PTK2: variants seen among roughly 807,000 people sequenced by gnomAD.
PTK2 encodes protein tyrosine kinase 2, also known as focal adhesion kinase 1.
PTK2 carries 45 observed loss-of-function variants against 150.1 expected under a neutral mutation model. That is an observed-to-expected ratio of 0.30 (90% CI 0.24 to 0.38). The LOEUF is 0.38. Among genes scored for constraint, PTK2 ranks in the 10% least tolerant of loss-of-function variants. PTK2 has a pLI of 1.00. For missense variants in PTK2, 919 were observed against 1,307.3 expected, an observed-to-expected ratio of 0.70 and a Z score of 4.58; for synonymous variants, 432 against 449.2, an observed-to-expected ratio of 0.96 and a Z score of 0.48.
At chr8:140,708,795 G>T (rs566570994) in intron 23 of PTK2, among the ~76,000 whole-genome samples, 2 of 152,218 alleles carry the variant, frequency 1.3e-5, no homozygotes, top group Non-Finnish European at 2.9e-5. Flanking sequence ...GGCTACCTTG[G>T]TACTTGTTTT....
intron 1 of PTK2, among the ~76,000 whole-genome samples, chr8:141,000,262 T>C (rs866951282): frequency 3.3e-5 from 5 of 152,102 alleles, no homozygotes; most frequent in Non-Finnish European, 5.9e-5. Context: ...GGAAGCACAA[T>C]GACTCCAGTG....
exon 32 of PTK2, chr8:140,658,063 A>C (rs944920701): frequency 6.6e-6 from 1 of 152,090 alleles, no homozygotes; most frequent in East Asian, 1.9e-4. Flanking sequence ...AAATGCTAAC[A>C]ATTTCCTTGA....
intron 2 of PTK2, among the ~76,000 whole-genome samples, chr8:140,917,080 G>A (rs1200154360): frequency 6.6e-6 from 1 of 152,126 alleles, no homozygotes; most frequent in Admixed American, 6.5e-5. Flanking sequence ...GCCATGATTT[G>A]AGGTAAAGCA....
chr8:140,742,621 A>T (rs2100056398), intron 20 of PTK2, among the ~76,000 whole-genome samples: 1 of 152,232 alleles, frequency 6.6e-6, no homozygotes, highest in Non-Finnish European at 1.5e-5. Context: ...GAACATCTGC[A>T]TCTTCACATG....
At chr8:140,821,031 G>A (rs2100108255) in intron 8 of PTK2, 1 of 152,230 alleles carries the variant, frequency 6.6e-6, no homozygotes, top group Non-Finnish European at 1.5e-5. Context: ...ACTGGATCTG[G>A]GATACTACAG....
rs141504075 is a variant in PTK2 at position 140,748,805 on chromosome 8, A to T, written c.1418-1945T>A. On this transcript the variant is annotated intron_variant, in intron 17 of 31. Transcript: ENST00000522684. The stretch of plus-strand genomic sequence containing the variant: ...ACTTGTACAGTATACTAGGATTAGT[A>T]AGACACAGGACAGACTTCACAGAAC... Among the ~76,000 whole-genome samples, 1,321 of 152,326 alleles carry T rather than the reference A, an allele frequency of 8.7e-3. 19 individuals carry two copies. The highest frequency in any genetic ancestry group is 0.03 in the African/African-American group (1,253 of 41,558).
intron 1 of PTK2, among the ~76,000 whole-genome samples, chr8:140,947,522 C>T (rs1412970304): frequency 6.6e-6 from 1 of 152,164 alleles, no homozygotes; most frequent in Non-Finnish European, 1.5e-5. Context: ...TACAGATCAA[C>T]ATGCCACCCC....
intron 1 of PTK2, among the ~76,000 whole-genome samples, chr8:140,931,568 T>A (rs897314868): frequency 1.3e-5 from 2 of 151,976 alleles, no homozygotes; most frequent in South Asian, 2.1e-4. Context: ...CTTGTGGTTT[T>A]AAAAAAAATT....
In PTK2 at chr8:140,840,232, T is replaced by A. The variant is rs115105785; in HGVS notation, c.593+6028A>T. On this transcript the variant is annotated intron_variant, in intron 7 of 31. Coordinates refer to ENST00000522684, the Ensembl canonical transcript of PTK2. Reference sequence around the variant, plus strand: ...TGCCACCGCGCCTGGCTAATTTTTATAATTATTTGTAGAGATGAGGTCTCG... The same window carrying A: ...TGCCACCGCGCCTGGCTAATTTTTAAAATTATTTGTAGAGATGAGGTCTCG... Among the ~76,000 whole-genome samples, 683 of 152,256 alleles carry A rather than the reference T, an allele frequency of 4.5e-3. 3 individuals carry two copies. The highest frequency in any genetic ancestry group is 0.016 in the African/African-American group (646 of 41,560).
upstream of PTK2, among the ~76,000 whole-genome samples, chr8:141,001,749 C>G (rs1028397739): frequency 1.4e-4 from 21 of 152,318 alleles, no homozygotes; most frequent in African/African-American, 4.6e-4. Context: ...GTCGGGCACC[C>G]GCTGCGGGCC....
intron 2 of PTK2, chr8:140,920,876 G>A: frequency 6.5e-7 from 1 of 1,529,340 alleles, no homozygotes; most frequent in Non-Finnish European, 8.7e-7. Context: ...GGCACCTGCT[G>A]GTTTCAGGGC....
At chr8:140,752,173 G>A in intron 17 of PTK2, 59 bp downstream of exon 20, 4 of 1,358,666 alleles carry the variant, frequency 2.9e-6, no homozygotes, top group South Asian at 1.2e-5. Context: ...TTCAGAGACA[G>A]TTTGGATTTC....
rs56114800 is a variant in PTK2, at chr8:140,668,359, G to A, written c.2775C>T (p.Tyr925=). ...CTTTCACCAGGCCCGTCACATTCTC[G>A]TACACCTTATCATTCGACCGGTCCA... The change falls in exon 30 of 32, where the codon TAC becomes TAT. Residue 925 remains tyrosine, a synonymous_variant. Transcript: ENST00000522684. The A allele has an allele frequency of 3.2e-4, 520 of 1,613,948 alleles. 1 individual carries two copies. The African/African-American group carries it at 4.8e-3, about 15-fold the overall frequency.
intron 2 of PTK2, among the ~76,000 whole-genome samples, chr8:140,908,462 GAAGA>G (rs1474739991): frequency 1.3e-5 from 2 of 152,226 alleles, no homozygotes; most frequent in East Asian, 3.9e-4. Flanking sequence ...ACACAATGAA[GAAGA>G]AAGAGTCTTT....
intron 5 of PTK2, among the ~76,000 whole-genome samples, chr8:140,852,338 AC>A (rs2100129816): frequency 1.3e-5 from 2 of 152,224 alleles, no homozygotes; most frequent in Non-Finnish European, 2.9e-5. Flanking sequence ...TAATAAAGCA[AC>A]AGGGATTTTC....
At chr8:140,800,374 A>T in intron 12 of PTK2, 85 bp downstream of exon 12, 1 of 1,074,256 alleles carries the variant, frequency 9.3e-7, no homozygotes, top group Non-Finnish European at 1.4e-6. Context: ...CAGTTACCTA[A>T]AAGAGGATAA....
intron 1 of PTK2, among the ~76,000 whole-genome samples, chr8:140,987,024 A>G (rs1470952051): frequency 1.3e-5 from 2 of 152,210 alleles, no homozygotes; most frequent in African/African-American, 4.8e-5. Context: ...ATGGGACATC[A>G]TCAAAACGTA....
chr8:140,861,443 A>G (rs2100136036), intron 5 of PTK2, among the ~76,000 whole-genome samples: 1 of 152,238 alleles, frequency 6.6e-6, no homozygotes, highest in Non-Finnish European at 1.5e-5. Context: ...GAAACTGTAG[A>G]AATGAATGAC....
At chr8:140,771,661 T>C (rs1239592282) in intron 14 of PTK2, among the ~76,000 whole-genome samples, 1 of 152,192 alleles carries the variant, frequency 6.6e-6, no homozygotes, top group Non-Finnish European at 1.5e-5. Context: ...TCAGGACTGT[T>C]TGCCCATCAA....
Sources: allele counts gnomAD v4.1 joint callset (sites outside exome capture counted in the v4.1 genomes callset), GRCh38; gene constraint gnomAD v4.1.1; transcripts MANE v1.5; gene names NCBI Gene and HGNC (gene_info 2026-07-23, HGNC 2026-07-21).